HPSE2: variants seen among roughly 807,000 people sequenced by gnomAD.
HPSE2 encodes the protein inactive heparanase-2.
A neutral mutation model predicts 60.5 loss-of-function variants in HPSE2; 38 were observed. The ratio of observed to expected loss-of-function variants is 0.63; its 90% CI spans 0.48 to 0.82. The LOEUF is 0.82. HPSE2 is among the 40% of genes least tolerant of loss of function. The probability of loss-of-function intolerance (pLI) is 0.00; values close to 1 mark genes in which losing one functional copy is unlikely to be tolerated. For missense variants in HPSE2, 713 were observed against 740.4 expected, an observed-to-expected ratio of 0.96 and a Z score of 0.43; for synonymous variants, 295 against 293.2, an observed-to-expected ratio of 1.01 and a Z score of -0.06.
At position 99,047,968 on chromosome 10, in the gene HPSE2, G is replaced by C. The variant is rs556691715; in HGVS notation, c.610+96270C>G. 5 of 721,816 alleles carry C rather than the reference G, an allele frequency of 6.9e-6. No individual in the cohort carries two copies. In the South Asian group the frequency reaches 7.1e-5, roughly 10 times the overall value. The allele number at this position is 721,816 out of a possible 1,614,324, so 44.7% of individuals were successfully genotyped here. ...GCCCAAAGGTCCGAAAGATGTTTCC[G>C]TTTCTTTGCCTTCATCAAGTCTTCA... On this transcript the variant is annotated intron_variant, in intron 3 of 11. Coordinates refer to ENST00000370552, the MANE Select transcript of HPSE2 (RefSeq NM_021828.5).
intron 3 of HPSE2, among the ~76,000 whole-genome samples, chr10:98,932,410 G>A (rs1394711051): frequency 1.4e-5 from 2 of 143,996 alleles, no homozygotes; most frequent in African/African-American, 2.8e-5. Flanking sequence ...TGTTCATCAA[G>A]GATATTGGCC....
rs78235875 is a variant in HPSE2, at chr10:98,709,453, G to A, written c.956+12204C>T. Among the ~76,000 whole-genome samples the A allele has an allele frequency of 8.8e-3, 1,346 of 152,234 alleles. 17 individuals carry two copies. The highest frequency in any genetic ancestry group is 0.03 in the African/African-American group (1,243 of 41,512). ...TTGGATGTTTCCATAGCTGAATTAT[G>A]GTGACAGAAATCTGGACTATGATCT... On this transcript the variant is annotated intron_variant, in intron 5 of 11. Transcript: ENST00000370552.
chr10:98,937,806 G>T (rs1181902847), intron 3 of HPSE2, among the ~76,000 whole-genome samples: 1 of 142,806 alleles, frequency 7.0e-6, no homozygotes, highest in Non-Finnish European at 1.5e-5. Context: ...CCTGACCCCT[G>T]ACCCCCAAGC....
At position 98,967,981 on chromosome 10, in the gene HPSE2, A is replaced by G. The variant is rs150567544; in HGVS notation, c.610+176257T>C. Among the ~76,000 whole-genome samples, 10 of 152,324 alleles carry G rather than the reference A, an allele frequency of 6.6e-5. No individual in the cohort carries two copies. The East Asian group carries it at 1.9e-3, about 29-fold the overall frequency. On this transcript the variant is annotated intron_variant, in intron 3 of 11. Coordinates refer to ENST00000370552, the MANE Select transcript of HPSE2 (RefSeq NM_021828.5). ...GACTCACTTACTCCTGGCTTGAACA[A>G]TGAATTTTTCAGATTAAGGTCTAAA... is the stretch of plus-strand genomic sequence containing the variant.
intron 11 of HPSE2, among the ~76,000 whole-genome samples, chr10:98,462,724 A>G (rs1296574219): frequency 6.6e-6 from 1 of 151,808 alleles, no homozygotes; most frequent in African/African-American, 2.4e-5. Flanking sequence ...TAGGGTTCCT[A>G]GTGTTTTGTC....
At chr10:99,034,977 C>T (rs1214676740) in intron 3 of HPSE2, among the ~76,000 whole-genome samples, 2 of 151,990 alleles carry the variant, frequency 1.3e-5, no homozygotes, top group East Asian at 1.9e-4. Context: ...CATAAGTTTC[C>T]CTGAGTGTGT....
chr10:99,102,890 T>A (rs1402502445), intron 3 of HPSE2, among the ~76,000 whole-genome samples: 1 of 152,202 alleles, frequency 6.6e-6, no homozygotes, highest in Non-Finnish European at 1.5e-5. Flanking sequence ...ACCACATGAT[T>A]ATCTCAACAG....
At chr10:98,647,985 A>G (rs1306334478) in intron 6 of HPSE2, among the ~76,000 whole-genome samples, 1 of 152,236 alleles carries the variant, frequency 6.6e-6, no homozygotes, top group African/African-American at 2.4e-5. Context: ...GAAAAATGTT[A>G]TAGAAAAATA....
chr10:98,602,661 G>A (rs11189711), intron 9 of HPSE2, among the ~76,000 whole-genome samples: 62,889 of 151,902 alleles, frequency 0.41, 15,639 homozygotes, highest in Admixed American at 0.53. Context: ...CCTTACATAT[G>A]TGGTCACTTA....
intron 3 of HPSE2, among the ~76,000 whole-genome samples, chr10:99,038,472 T>C (rs1018131731): frequency 2.6e-5 from 4 of 152,144 alleles, no homozygotes; most frequent in Non-Finnish European, 5.9e-5. Context: ...GACAAAATTA[T>C]AGAGACAGAA....
intron 3 of HPSE2, among the ~76,000 whole-genome samples, chr10:98,991,413 A>G (rs997517930): frequency 2.0e-5 from 3 of 152,206 alleles, no homozygotes; most frequent in African/African-American, 7.2e-5. Context: ...AGGCCCTTAC[A>G]CTAGAGCATG....
chr10:98,965,872 T>C (rs1318047044), intron 3 of HPSE2, among the ~76,000 whole-genome samples: 1 of 152,054 alleles, frequency 6.6e-6, no homozygotes, highest in Admixed American at 6.6e-5. Context: ...ATTCATTCAG[T>C]CATTTACAGA....
chr10:98,870,708 G>A (rs115325536), intron 3 of HPSE2, among the ~76,000 whole-genome samples: 6,069 of 152,146 alleles, frequency 0.04, 405 homozygotes, highest in African/African-American at 0.14. Context: ...TCCATATGAT[G>A]AGAATAATTC....
intron 11 of HPSE2, among the ~76,000 whole-genome samples, chr10:98,473,900 A>T (rs1012324910): frequency 2.0e-5 from 3 of 152,160 alleles, no homozygotes; most frequent in African/African-American, 7.2e-5. Context: ...TTTGTCGGGG[A>T]TGTTATAGAA....
chr10:98,748,300 C>T (rs914998390), intron 3 of HPSE2, among the ~76,000 whole-genome samples: 6 of 152,126 alleles, frequency 3.9e-5, no homozygotes, highest in Admixed American at 6.5e-5. Flanking sequence ...AGTGAAAATC[C>T]GTCTCAAAAA....
At chr10:98,880,261 C>T (rs1952986764) in intron 3 of HPSE2, among the ~76,000 whole-genome samples, 1 of 151,984 alleles carries the variant, frequency 6.6e-6, no homozygotes, top group Non-Finnish European at 1.5e-5. Context: ...TCAGTTACTC[C>T]TTTAGGTTGC....
At chr10:98,796,418 C>A (rs977436949) in intron 3 of HPSE2, among the ~76,000 whole-genome samples, 1 of 152,212 alleles carries the variant, frequency 6.6e-6, no homozygotes, top group African/African-American at 2.4e-5. Context: ...TGGTGGTGGC[C>A]ACACAGAAAG....
At chr10:98,616,499 C>T (rs1261161910) in intron 8 of HPSE2, among the ~76,000 whole-genome samples, 1 of 152,116 alleles carries the variant, frequency 6.6e-6, no homozygotes, top group Non-Finnish European at 1.5e-5. Context: ...GAGCTCCAAA[C>T]CCGTGACTTG....
intron 2 of HPSE2, among the ~76,000 whole-genome samples, chr10:99,165,827 C>G (rs1847057675): frequency 6.6e-6 from 1 of 152,132 alleles, no homozygotes; most frequent in Non-Finnish European, 1.5e-5. Flanking sequence ...CAGGCATGAG[C>G]CACCACACCC....
Sources: allele counts gnomAD v4.1 joint callset (sites outside exome capture counted in the v4.1 genomes callset), GRCh38; gene constraint gnomAD v4.1.1; transcripts MANE v1.5; gene names NCBI Gene and HGNC (gene_info 2026-07-23, HGNC 2026-07-21).